FNDC1: variants seen among roughly 807,000 people sequenced by gnomAD.
The protein encoded by FNDC1 is fibronectin type III domain containing 1.
Under a neutral mutation model 168.0 loss-of-function variants are expected in FNDC1, and 96 were observed. The observed-to-expected ratio is 0.57, with a 90% CI of 0.48 to 0.68. The LOEUF (loss-of-function observed/expected upper bound fraction) is 0.68. Among genes scored for constraint, FNDC1 ranks in the 30% least tolerant of loss-of-function variants. The pLI is 0.00. For synonymous variants in FNDC1, 1,099 were observed against 1,025.9 expected, an observed-to-expected ratio of 1.07 and a Z score of -1.36; for missense variants, 2,587 against 2,482.1, an observed-to-expected ratio of 1.04 and a Z score of -0.90.
intron 1 of FNDC1, among the ~76,000 whole-genome samples, chr6:159,191,059 C>T (rs1174404493): frequency 6.6e-6 from 1 of 152,170 alleles, no homozygotes; most frequent in East Asian, 1.9e-4. Context: ...GAAGCAAGAA[C>T]GTCTACGATG....
rs1191211376 is a variant in FNDC1 at position 159,271,531 on chromosome 6, T to C, written c.*89T>C. 1.1e-6 allele frequency: 1 copy of C among 922,564 alleles called. No homozygotes were observed. The highest frequency in any genetic ancestry group is 1.7e-6 in the Non-Finnish European group (1 of 580,440). The allele number at this position is 922,564 out of a possible 1,614,324, so 57.1% of individuals were successfully genotyped here. On this transcript the variant is annotated 3_prime_UTR_variant, in exon 23 of 23. Transcript: ENST00000297267. The stretch of plus-strand genomic sequence containing the variant: ...CTGTGAGCAAAGACAGCCAGCGTGC[T>C]CAGCCCCGCTGCCCTAGGTGCCAGG...
At chr6:159,200,994 A>G (rs211495) in intron 4 of FNDC1, among the ~76,000 whole-genome samples, 72,211 of 152,114 alleles carry the variant, frequency 0.47, 19,262 homozygotes, top group African/African-American at 0.72. Context: ...TTTTTCTTAC[A>G]ACCTTGGGAT....
At chr6:159,252,221 A>T (rs903618771) in intron 17 of FNDC1, among the ~76,000 whole-genome samples, 5 of 151,880 alleles carry the variant, frequency 3.3e-5, no homozygotes, top group African/African-American at 9.7e-5. Flanking sequence ...ATAATTGCAA[A>T]TTTTTTTTCT....
chr6:159,213,642 A>C (rs443651), intron 4 of FNDC1, among the ~76,000 whole-genome samples: 73,183 of 151,594 alleles, frequency 0.48, 20,069 homozygotes, highest in African/African-American at 0.75. Flanking sequence ...ACATAAGACC[A>C]GTGTGTGTGT....
chr6:159,192,863 G>A (rs1782168676), intron 1 of FNDC1, among the ~76,000 whole-genome samples: 2 of 152,136 alleles, frequency 1.3e-5, no homozygotes, highest in African/African-American at 4.8e-5. Context: ...AGGGAGGGGA[G>A]GTCTGGGGGT....
Position 159,179,488 on chromosome 6 carries a change from G to A in FNDC1, c.109+9783G>A, listed in dbSNP as rs148698241. On this transcript the variant is annotated intron_variant, in intron 1 of 22. Transcript: ENST00000297267. ...AAAAACAAAAACAAAAACAATCTAT[G>A]GGTTGATGCCTCATCCTCTTCAGGT... Among the ~76,000 whole-genome samples, 1,371 of 152,180 alleles carry A rather than the reference G, an allele frequency of 9.0e-3. 19 individuals carry two copies. The highest frequency in any genetic ancestry group is 0.031 in the African/African-American group (1,274 of 41,522).
intron 5 of FNDC1, among the ~76,000 whole-genome samples, chr6:159,220,421 G>T (rs1782797965): frequency 6.6e-6 from 1 of 152,112 alleles, no homozygotes; most frequent in Non-Finnish European, 1.5e-5. Flanking sequence ...CTAGAAATAG[G>T]CCAGATCGCC....
chr6:159,175,638 T>C (rs572946155), intron 1 of FNDC1, among the ~76,000 whole-genome samples: 1 of 152,348 alleles, frequency 6.6e-6, no homozygotes, highest in African/African-American at 2.4e-5. Context: ...ATGTAGCCTC[T>C]GTTACAAGAT....
chr6:159,176,790 T>A (rs986827070), intron 1 of FNDC1, among the ~76,000 whole-genome samples: 2 of 152,164 alleles, frequency 1.3e-5, no homozygotes, highest in African/African-American at 4.8e-5. Flanking sequence ...CAGTACTGCA[T>A]GAGGCTCTGG....
At chr6:159,251,185 C>G (rs1777251304) in intron 16 of FNDC1, 117 bp from the exon 17 acceptor site, 1 of 716,970 alleles carries the variant, frequency 1.4e-6, no homozygotes, top group South Asian at 1.8e-5. Context: ...GCTGATGGAG[C>G]CTCCGTCCAG....
intron 7 of FNDC1, among the ~76,000 whole-genome samples, chr6:159,225,188 C>G (rs943569268): frequency 1.4e-5 from 2 of 146,992 alleles, no homozygotes; most frequent in African/African-American, 5.0e-5. Context: ...GACACACACA[C>G]ACACACGCAC....
In FNDC1 at chr6:159,233,756, G is replaced by A. The variant is rs1251985159; in HGVS notation, c.3244G>A (p.Asp1082Asn). The A allele has an allele frequency of 3.9e-6, 6 of 1,547,824 alleles. No homozygotes were observed. Among genetic ancestry groups the A allele is most frequent in the East Asian group, 2.4e-5 (1 of 40,878 alleles). ...GGATGCCCAGGGCAGCTACGACGAC[G>A]ACAGCACAGAAGTCGAGGCCCAGGA... ...DEDAQGSYDD[D>N]STEVEAQDVR... The change falls in exon 11 of 23, where the codon GAC becomes AAC. Residue 1082 changes from aspartate to asparagine, a missense_variant. By Grantham distance (23) the Asp-to-Asn change is conservative. Transcript: ENST00000297267. This position sits in a 1 kb window ranked among gnomAD's most constrained non-coding sequence, Gnocchi z 4.6.
chr6:159,200,140 C>A, intron 3 of FNDC1, 58 bp downstream of exon 3: 1 of 1,232,698 alleles, frequency 8.1e-7, no homozygotes, highest in Non-Finnish European at 1.2e-6. Flanking sequence ...GGAGAGACAT[C>A]CCTCCTTGCT....
intron 14 of FNDC1, among the ~76,000 whole-genome samples, chr6:159,244,464 G>A (rs1407446619): frequency 2.0e-5 from 3 of 152,210 alleles, no homozygotes; most frequent in Admixed American, 2.0e-4. Context: ...CTCAGAATAG[G>A]AGCTGGGGGC....
chr6:159,223,830 C>T (rs1782898042), intron 7 of FNDC1, among the ~76,000 whole-genome samples, 185 bp downstream of exon 7: 1 of 152,186 alleles, frequency 6.6e-6, no homozygotes, highest in Non-Finnish European at 1.5e-5. Flanking sequence ...ACACATTTCC[C>T]ACAAATCAGA....
At chr6:159,204,965 C>T (rs748904736) in intron 4 of FNDC1, among the ~76,000 whole-genome samples, 1 of 152,130 alleles carries the variant, frequency 6.6e-6, no homozygotes, top group East Asian at 1.9e-4. Flanking sequence ...GCTGACATTG[C>T]CCCTCTCCCT....
At chr6:159,250,787 T>A (rs142182420) in intron 16 of FNDC1, among the ~76,000 whole-genome samples, 2 of 152,246 alleles carry the variant, frequency 1.3e-5, no homozygotes, top group Non-Finnish European at 2.9e-5. Flanking sequence ...CCGGGCCTTA[T>A]GCACAGATGC....
chr6:159,173,234 G>T (rs1201477647), intron 1 of FNDC1, among the ~76,000 whole-genome samples: 1 of 151,822 alleles, frequency 6.6e-6, no homozygotes, highest in Non-Finnish European at 1.5e-5. Context: ...GCCTGGGTGT[G>T]AGTGGCAGTG....
intron 1 of FNDC1, 82 bp from the exon 2 acceptor site, chr6:159,197,349 C>T: frequency 7.7e-7 from 1 of 1,294,906 alleles, no homozygotes; most frequent in African/African-American, 1.5e-5. Context: ...TACTGTTTTC[C>T]TAACAATATC....
Sources: gnomAD v4.1 joint callset for allele counts (sites outside exome capture counted in the v4.1 genomes callset) on GRCh38, gnomAD v4.1.1 for gene constraint, Gnocchi (gnomAD v3.1) non-coding constraint, MANE v1.5 for transcripts, NCBI Gene and HGNC (gene_info 2026-07-23, HGNC 2026-07-21) for gene names.